Variants in DYNC2H1 observed in about 807,000 individuals in gnomAD.
DYNC2H1 encodes the protein cytoplasmic dynein 2 heavy chain 1.
DYNC2H1 carries 410 observed loss-of-function variants against 570.0 expected under a neutral mutation model. The ratio of observed to expected loss-of-function variants is 0.72; its 90% CI spans 0.66 to 0.78. DYNC2H1 has a LOEUF of 0.78. Among genes scored for constraint, DYNC2H1 ranks in the 30% least tolerant of loss-of-function variants. The pLI, the probability that DYNC2H1 is intolerant of heterozygous loss-of-function variation, is 0.00. For synonymous variants in DYNC2H1, 1,688 were observed against 1,677.6 expected (o/e 1.01, Z -0.15); for missense variants, 4,865 against 5,046.4 (o/e 0.96, Z 1.09).
In DYNC2H1 at chr11:103,330,980, C is replaced by A. The variant is rs574817924; in HGVS notation, c.12039+6990C>A. ...TAGAGAGCTTGAAAGAGCATTGTTTCTACTCTTTTGACAATAGAAGCCAGA... is the reference window on the plus strand; with the variant it reads ...TAGAGAGCTTGAAAGAGCATTGTTTATACTCTTTTGACAATAGAAGCCAGA... On this transcript the variant is annotated intron_variant, in intron 82 of 88. Coordinates refer to ENST00000375735, the MANE Select transcript of DYNC2H1 (RefSeq NM_001377.3). Among the ~76,000 whole-genome samples, 21 of 152,254 alleles carry A rather than the reference C, an allele frequency of 1.4e-4. No individual in the cohort carries two copies. The South Asian group carries it at 4.4e-3, about 32-fold the overall frequency.
Position 103,141,777 on chromosome 11 carries a change from C to T in DYNC2H1, c.2575-1491C>T, listed in dbSNP as rs538408584. Among the ~76,000 whole-genome samples the T allele has an allele frequency of 1.4e-4, 22 of 152,364 alleles. No individual in the cohort carries two copies. In the Middle Eastern group the frequency reaches 0.014, roughly 94 times the overall value. Reference sequence around the variant, plus strand: ...ACATTTAATTCTGCAGAGGTTACTGCTGTCTTTTTGTTGTCTGTGCCCTGC... The same window carrying T: ...ACATTTAATTCTGCAGAGGTTACTGTTGTCTTTTTGTTGTCTGTGCCCTGC... On this transcript the variant is annotated intron_variant, in intron 17 of 88. Transcript: ENST00000375735.
intron 14 of DYNC2H1, 122 bp from the exon 15 acceptor site, chr11:103,134,199 T>A: frequency 1.3e-6 from 1 of 767,742 alleles, no homozygotes; most frequent in Non-Finnish European, 2.2e-6. Context: ...TATTGATATG[T>A]CTTGTATAGA....
intron 83 of DYNC2H1, among the ~76,000 whole-genome samples, chr11:103,368,611 C>T (rs1941015107): frequency 1.3e-5 from 2 of 152,160 alleles, no homozygotes; most frequent in South Asian, 4.1e-4. Flanking sequence ...TCCCATTTGT[C>T]TCTTTCTGCT....
Position 103,199,316 on chromosome 11 carries a change from T to A in DYNC2H1, c.7928T>A (p.Val2643Glu). The A allele has an allele frequency of 2.5e-6, 4 of 1,611,722 alleles. No homozygotes were observed. Among genetic ancestry groups the A allele is most frequent in the Non-Finnish European group, 3.4e-6 (4 of 1,179,666 alleles). ...VLEYMSRIDR[V>E]LSFPGGSLLL... is the part of the protein sequence containing the mutation. ...GAGTATATGTCTAGGATAGATAGAGTGCTGAGTTTCCCTGGAGGTTCACTT... is the reference window on the plus strand; with the variant it reads ...GAGTATATGTCTAGGATAGATAGAGAGCTGAGTTTCCCTGGAGGTTCACTT... Residue 2643 changes from valine (V) to glutamate (E), a missense_variant, in exon 49 of 89, where the codon GTG becomes GAG. Val to Glu is a moderately radical substitution (Grantham distance 121, BLOSUM62 -2). This residue lies in a region of DYNC2H1 where 2,401 missense variants were observed against 2,454.6 expected (regional missense o/e 0.98). Transcript: ENST00000375735. The surrounding 1 kb of genome is among the most constrained non-coding windows in gnomAD (Gnocchi z 4.6).
In DYNC2H1 at chr11:103,265,680, C is replaced by T. The variant is rs569496814; in HGVS notation, c.10695+5703C>T. ...TGAATTCTATTTCTGTCATTTCAGC[C>T]ATCTCAATGTGGTTGCTTGCTGGAA... On this transcript the variant is annotated intron_variant, in intron 70 of 88. Transcript: ENST00000375735. 3.3e-5 allele frequency among the ~76,000 whole-genome samples: 5 copies of T among 152,208 alleles called. No homozygotes were observed. In the South Asian group the frequency reaches 1.0e-3, roughly 32 times the overall value.
At position 103,215,759 on chromosome 11, in the gene DYNC2H1, G is replaced by A; in HGVS notation, c.8733G>A (p.Val2911=). 1 of 1,611,334 alleles carries A rather than the reference G, an allele frequency of 6.2e-7. No individual in the cohort carries two copies. Among genetic ancestry groups the A allele is most frequent in the Non-Finnish European group, 8.5e-7 (1 of 1,178,590 alleles). ...AACTAAATGAAGCTAAAGCTCTTGT[G>A]GATGAACTGAACAGAAAAGCTGGAG... The part of the protein sequence containing the change: ...VSKLNEAKAL[V]DELNRKAGEQ... Residue 2911 remains valine (V), a synonymous_variant, in exon 55 of 89, where the codon GTG becomes GTA. Transcript: ENST00000375735.
chr11:103,252,074 A>G lies in DYNC2H1; in HGVS notation c.10043-1211A>G, dbSNP rs1345533914. Reference sequence around the variant, plus strand: ...TGAGTATGTTGGACTATAGGCACATACCATCATGCCCAGCTAATTAAAAAC... The same window carrying G: ...TGAGTATGTTGGACTATAGGCACATGCCATCATGCCCAGCTAATTAAAAAC... On this transcript the variant is annotated intron_variant, in intron 65 of 88. Coordinates refer to ENST00000375735, the MANE Select transcript of DYNC2H1 (RefSeq NM_001377.3). This position sits in a 1 kb window ranked among gnomAD's most constrained non-coding sequence, Gnocchi z 4.6. Among the ~76,000 whole-genome samples the G allele has an allele frequency of 6.6e-6, 1 of 151,286 alleles. No individual in the cohort carries two copies. The highest frequency in any genetic ancestry group is 1.5e-5 in the Non-Finnish European group (1 of 67,890).
intron 17 of DYNC2H1, among the ~76,000 whole-genome samples, chr11:103,139,673 G>GA (rs1442166586): frequency 6.6e-6 from 1 of 151,778 alleles, no homozygotes; most frequent in Non-Finnish European, 1.5e-5. Context: ...GTGTGGTGTT[G>GA]AAAAAAATGT....
At position 103,358,243 on chromosome 11, in the gene DYNC2H1, G is replaced by T; in HGVS notation, c.12040G>T (p.Val4014Phe). ...TGATACTTATTATTTTTTTATTCAG[G>T]TTATTTCACAGTTGAGGATTTTGGG... ...RSSQRMISSQ[V>F]ISQLRILGRS... is the part of the protein sequence containing the mutation. Residue 4014 changes from valine to phenylalanine, a missense_variant and splice_region_variant, in exon 83 of 89, where the codon GTT becomes TTT. Around this residue, in one of 5 missense-constraint regions of DYNC2H1, gnomAD observed 2,401 missense variants for 2,454.6 expected, o/e 0.98. Coordinates refer to ENST00000375735, the MANE Select transcript of DYNC2H1 (RefSeq NM_001377.3). 6 of 1,533,186 alleles carry T rather than the reference G, an allele frequency of 3.9e-6. No individual in the cohort carries two copies. The highest frequency in any genetic ancestry group is 1.2e-5 in the South Asian group (1 of 81,322). 95.0% of individuals were successfully genotyped at this position (1,533,186 alleles called of 1,614,324 possible).
intron 82 of DYNC2H1, among the ~76,000 whole-genome samples, chr11:103,349,338 T>G (rs1044446168): frequency 6.6e-6 from 1 of 152,172 alleles, no homozygotes; most frequent in Non-Finnish European, 1.5e-5. Flanking sequence ...GTCTTACATG[T>G]ATTTCGTTGT....
intron 55 of DYNC2H1, among the ~76,000 whole-genome samples, chr11:103,218,149 A>G (rs1319712175): frequency 1.3e-5 from 2 of 152,214 alleles, no homozygotes; most frequent in Admixed American, 6.5e-5. Context: ...TTACTTTTCA[A>G]AAGTTTGACA....
At position 103,133,816 on chromosome 11, in the gene DYNC2H1, C is replaced by T; in HGVS notation, c.2106+109C>T. The T allele has an allele frequency of 8.5e-7, 1 of 1,169,920 alleles. No homozygotes were observed. The highest frequency in any genetic ancestry group is 1.6e-5 in the African/African-American group (1 of 63,690). 72.5% of individuals were successfully genotyped at this position (1,169,920 alleles called of 1,614,324 possible). On this transcript the variant is annotated intron_variant, in intron 14 of 88. Transcript: ENST00000375735. The surrounding 1 kb of genome is among the most constrained non-coding windows in gnomAD (Gnocchi z 4.8). ...TGAAATAATTTGAGACTTAAAGTTACAAAAATAGTACAGAGAAATCACAAT... is the reference window on the plus strand; with the variant it reads ...TGAAATAATTTGAGACTTAAAGTTATAAAAATAGTACAGAGAAATCACAAT...
chr11:103,343,462 C>T (rs1262261909), intron 82 of DYNC2H1, among the ~76,000 whole-genome samples: 1 of 152,210 alleles, frequency 6.6e-6, no homozygotes, highest in East Asian at 1.9e-4. Flanking sequence ...CCCAGGCCCA[C>T]CAATCAGAAA....
At chr11:103,213,685 T>G (rs1045404766) in intron 54 of DYNC2H1, among the ~76,000 whole-genome samples, 2 of 152,140 alleles carry the variant, frequency 1.3e-5, no homozygotes, top group African/African-American at 2.4e-5. Flanking sequence ...TCTTTGTTGT[T>G]GTTGTTCAGT....
intron 84 of DYNC2H1, among the ~76,000 whole-genome samples, chr11:103,430,924 TA>T (rs1943864658): frequency 6.6e-6 from 1 of 152,200 alleles, no homozygotes; most frequent in Admixed American, 6.5e-5. Context: ...TTATTGTCCA[TA>T]GCCATCTCTT....
rs1303821414 is a variant in DYNC2H1, at chr11:103,156,393, A to G, written c.3750A>G (p.Leu1250=). 4 of 1,612,260 alleles carry G rather than the reference A, an allele frequency of 2.5e-6. No individual in the cohort carries two copies. Among genetic ancestry groups the G allele is most frequent in the Non-Finnish European group, 3.4e-6 (4 of 1,179,378 alleles). The change falls in exon 26 of 89, where the codon TTA becomes TTG. Residue 1250 remains leucine, a synonymous_variant. Transcript: ENST00000375735. ...IVAKAADLKD[L]NSRAQGEVTI... ...GGATATTTTGTGTTAAATAGGATTT[A>G]AATAGTCGGGCACAAGGTGAAGTTA...
rs764273199 is a variant in DYNC2H1 at position 103,257,724 on chromosome 11, T to C, written c.10578T>C (p.Leu3526=). The part of the protein sequence containing the change: ...YRFSLAAFLR[L]FQRALQNKQD... ...TTAGTTTGGCTGCTTTTCTCCGACT[T>C]TTCCAACGAGCTCTACAAAACAAAC... The change falls in exon 69 of 89, where the codon CTT becomes CTC. Residue 3526 remains leucine, a synonymous_variant. Transcript: ENST00000375735. 6.2e-7 allele frequency: 1 copy of C among 1,602,686 alleles called. No homozygotes were observed. The highest frequency in any genetic ancestry group is 8.5e-7 in the Non-Finnish European group (1 of 1,174,066).
chr11:103,388,195 G>A (rs1941975647), intron 83 of DYNC2H1, among the ~76,000 whole-genome samples: 1 of 147,930 alleles, frequency 6.8e-6, no homozygotes, highest in South Asian at 2.2e-4. Flanking sequence ...GTGGTTTGTA[G>A]TTCTCCTTGA....
intron 74 of DYNC2H1, 46 bp from the exon 75 acceptor site, chr11:103,287,487 T>C: frequency 6.9e-7 from 1 of 1,451,418 alleles, no homozygotes; most frequent in Non-Finnish European, 9.5e-7. Flanking sequence ...GTTAAAGTAG[T>C]TGCAGCAACT....
Sources: gnomAD v4.1 joint callset for allele counts (sites outside exome capture counted in the v4.1 genomes callset) on GRCh38, gnomAD v4.1.1 for gene constraint, gnomAD v4.1.1 regional missense constraint, Gnocchi (gnomAD v3.1) non-coding constraint, MANE v1.5 for transcripts, NCBI Gene and HGNC (gene_info 2026-07-23, HGNC 2026-07-21) for gene names.